RTEL1: variants seen among roughly 807,000 people sequenced by gnomAD.
RTEL1 encodes regulator of telomere length.
RTEL1 carries 86 observed loss-of-function variants against 162.2 expected under a neutral mutation model. The ratio of observed to expected loss-of-function variants is 0.53; its 90% CI spans 0.45 to 0.63. The LOEUF is 0.63. Among genes scored for constraint, RTEL1 ranks in the 30% least tolerant of loss-of-function variants. The pLI, the probability that RTEL1 is intolerant of heterozygous loss-of-function variation, is 0.00. For missense variants in RTEL1, 1,941 were observed against 1,750.2 expected, an observed-to-expected ratio of 1.11 and a Z score of -1.95; for synonymous variants, 958 against 717.9, an observed-to-expected ratio of 1.33 and a Z score of -5.35.
At chr20:63,681,662 A>G in intron 14 of RTEL1, 2 of 985,250 alleles carry the variant, frequency 2.0e-6, no homozygotes, top group Non-Finnish European at 2.4e-6. Flanking sequence ...CTTCTCCTTC[A>G]CAGACGCAGC....
chr20:63,662,482 G>A lies in RTEL1; in HGVS notation c.396-64G>A, dbSNP rs1001359412. On this transcript the variant is annotated intron_variant, in intron 4 of 34. Coordinates refer to ENST00000360203, the MANE Select transcript of RTEL1 (RefSeq NM_001283009.2). ...TGCGTGTCTCCATACAGCTCACGCT[G>A]CAGGGCCACGCTGTGGGTGTTGGAG... 1.9e-6 allele frequency: 3 copies of A among 1,601,316 alleles called. No individual in the cohort carries two copies. The highest frequency in any genetic ancestry group is 2.6e-6 in the Non-Finnish European group (3 of 1,174,720).
chr20:63,675,625 C>T (rs921599146), intron 10 of RTEL1, among the ~76,000 whole-genome samples: 3 of 152,116 alleles, frequency 2.0e-5, no homozygotes, highest in African/African-American at 4.8e-5. Context: ...GGGATCTTCC[C>T]GTCTCAGCGT....
chr20:63,695,826 G>A lies in RTEL1; in HGVS notation c.3871G>A (p.Val1291Ile), dbSNP rs544271988. 16 of 1,599,294 alleles carry A rather than the reference G, an allele frequency of 1.0e-5. No homozygotes were observed. The highest frequency in any genetic ancestry group is 2.3e-5 in the South Asian group (2 of 88,834). The stretch of plus-strand genomic sequence containing the variant: ...CCACACCGCCTCCAGGAAGCAGAGC[G>A]TCATGCAGGTCTTCTGGCCAGAGCC... ...ACHTASRKQS[V>I]MQVFWPEPQ The change falls in exon 35 of 35, where the codon GTC (valine) becomes ATC (isoleucine). Residue 1291 changes from valine (V) to isoleucine (I), a missense_variant. Coordinates refer to ENST00000360203, the MANE Select transcript of RTEL1 (RefSeq NM_001283009.2).
intron 6 of RTEL1, among the ~76,000 whole-genome samples, chr20:63,665,636 G>A (rs1415966626): frequency 6.6e-6 from 1 of 151,754 alleles, no homozygotes; most frequent in African/African-American, 2.4e-5. Flanking sequence ...CTGTGGGTTG[G>A]GGCGATAGGC....
chr20:63,679,244 T>C (rs2146215283), intron 12 of RTEL1, among the ~76,000 whole-genome samples: 1 of 152,308 alleles, frequency 6.6e-6, no homozygotes, highest in East Asian at 1.9e-4. Context: ...GAGCGTGTTC[T>C]GCCTGAGCGC....
chr20:63,683,459 A>G (rs2090519032), intron 14 of RTEL1, among the ~76,000 whole-genome samples: 1 of 152,136 alleles, frequency 6.6e-6, no homozygotes, highest in Admixed American at 6.5e-5. Flanking sequence ...ACGGAAGGAA[A>G]TTTCTCTCTC....
chr20:63,666,347 G>T (rs1006978217), intron 7 of RTEL1, among the ~76,000 whole-genome samples: 1 of 152,250 alleles, frequency 6.6e-6, no homozygotes, highest in Non-Finnish European at 1.5e-5. Flanking sequence ...GGAAGCACGC[G>T]CAGTTTTGTC....
At chr20:63,663,589 T>C (rs2090064095) in intron 6 of RTEL1, among the ~76,000 whole-genome samples, 1 of 151,804 alleles carries the variant, frequency 6.6e-6, no homozygotes, top group Non-Finnish European at 1.5e-5. Flanking sequence ...CATCACGGGG[T>C]CCTAGAGACA....
rs781749466 is a variant in RTEL1, at chr20:63,685,811, T to C, written c.1287T>C (p.Ala429=). Residue 429 remains alanine, a synonymous_variant, in exon 16 of 35, where the codon GCT becomes GCC. Transcript: ENST00000360203. ...TCCAGGTGCACATCCATCCTGATGC[T>C]GGTCACCGGAGGACGGCTCAGCGGT... The part of the protein sequence containing the change: ...QSYKVHIHPD[A]GHRRTAQRSD... 1.9e-6 allele frequency: 3 copies of C among 1,612,566 alleles called. No homozygotes were observed. The highest frequency in any genetic ancestry group is 2.5e-6 in the Non-Finnish European group (3 of 1,179,892).
rs980883376 is a variant in RTEL1, at chr20:63,689,275, G to A, written c.1878+143G>A. 5 of 919,172 alleles carry A rather than the reference G, an allele frequency of 5.4e-6. No homozygotes were observed. The South Asian group carries it at 6.4e-5, about 12-fold the overall frequency. The allele number at this position is 919,172 out of a possible 1,614,324, so 56.9% of individuals were successfully genotyped here. A position where few individuals can be genotyped will look rare whatever the true frequency, so the allele number is the denominator to read the frequency against. On this transcript the variant is annotated intron_variant, in intron 22 of 34. Transcript: ENST00000360203. ...AGAGCGACTGCTGGCCCTGCTGGGA[G>A]CGTGTCCTGCTCTGGGCCTGGGCAG...
Position 63,688,510 on chromosome 20 carries a change from T to C in RTEL1, c.1723-18T>C. On this transcript the variant is annotated intron_variant, in intron 20 of 34. Coordinates refer to ENST00000360203, the MANE Select transcript of RTEL1 (RefSeq NM_001283009.2). ...GGCGTGACCAGGGCTGCCGTGTCCC[T>C]GCCTCTTCCTCCCACAGGCCCGCGA... 6.2e-7 allele frequency: 1 copy of C among 1,609,264 alleles called. No homozygotes were observed. The highest frequency in any genetic ancestry group is 8.5e-7 in the Non-Finnish European group (1 of 1,179,010).
Position 63,695,741 on chromosome 20 carries a change from C to T in RTEL1, c.3823-37C>T, listed in dbSNP as rs752405335. The T allele has an allele frequency of 5.0e-6, 8 of 1,594,132 alleles. No homozygotes were observed. The Admixed American group carries it at 1.0e-4, about 21-fold the overall frequency. ...GCAGGCCCTTGTCCTGGTGGCAACG[C>T]CTGGCAGACGTGTGCAGTGGGCCGG... On this transcript the variant is annotated intron_variant, in intron 34 of 34. Transcript: ENST00000360203.
At chr20:63,658,025 C>T (rs1569076473), upstream of RTEL1, 1 of 152,320 alleles carries the variant, frequency 6.6e-6, no homozygotes, top group African/African-American at 2.4e-5. Flanking sequence ...AAAGATGCCT[C>T]TGGGGAGGAG....
chr20:63,678,817 C>T (rs1202275110), intron 12 of RTEL1, among the ~76,000 whole-genome samples: 2 of 142,366 alleles, frequency 1.4e-5, no homozygotes, highest in African/African-American at 5.4e-5. Flanking sequence ...TCCCACGGAA[C>T]AGCACACACA....
At chr20:63,681,791 G>T in intron 14 of RTEL1, 1 of 985,376 alleles carries the variant, frequency 1.0e-6, no homozygotes, top group Non-Finnish European at 1.2e-6. Flanking sequence ...CACAGCCTGT[G>T]TCTTCTCTGT....
In RTEL1 at chr20:63,661,482, C is replaced by G; in HGVS notation, c.287C>G (p.Ala96Gly). The G allele has an allele frequency of 6.2e-7, 1 of 1,611,050 alleles. No homozygotes were observed. Among genetic ancestry groups the G allele is most frequent in the Admixed American group, 1.7e-5 (1 of 59,990 alleles). The change falls in exon 3 of 35, where the codon GCT becomes GGT. Residue 96 changes from alanine to glycine, a missense_variant. Ala to Gly is a moderately conservative substitution (Grantham distance 60, BLOSUM62 0). Coordinates refer to ENST00000360203, the MANE Select transcript of RTEL1 (RefSeq NM_001283009.2). The surrounding 1 kb of genome is among the most constrained non-coding windows in gnomAD (Gnocchi z 5.1). ...LSSWGNAAAA[A>G]GDPIACYTDI... The stretch of plus-strand genomic sequence containing the variant: ...TCCTGGGGCAACGCTGCTGCTGCTG[C>G]TGGAGACCCCATAGGTGACCCTAGT...
Position 63,688,697 on chromosome 20 carries a change from A to G in RTEL1, c.1800+92A>G, listed in dbSNP as rs537152454. ...CCAAGGCTGACCACTGGCCCTGACC[A>G]TGGGCTCCGGCGGCTCCCGCTGCCT... On this transcript the variant is annotated intron_variant, in intron 21 of 34. Transcript: ENST00000360203. The G allele has an allele frequency of 4.8e-5, 59 of 1,237,336 alleles. 1 individual carries two copies. In the African/African-American group the frequency reaches 8.1e-4, roughly 17 times the overall value. 76.6% of individuals were successfully genotyped at this position (1,237,336 alleles called of 1,614,324 possible).
In RTEL1 at chr20:63,678,300, G is replaced by A. The variant is rs761560985; in HGVS notation, c.991G>A (p.Ala331Thr). 4 of 1,612,970 alleles carry A rather than the reference G, an allele frequency of 2.5e-6. No individual in the cohort carries two copies. Among genetic ancestry groups the A allele is most frequent in the Admixed American group, 3.3e-5 (2 of 59,954 alleles). ...GCTGCGCCTGGAGGGGGCCATCGAT[G>A]CTGTTGAGCTGCCTGGAGACGACAG... ...ILLRLEGAID[A>T]VELPGDDSGV... Residue 331 changes from alanine (A) to threonine (T), a missense_variant, in exon 12 of 35, where the codon GCT (alanine) becomes ACT (threonine). Transcript: ENST00000360203.
chr20:63,696,137 A>G lies in RTEL1; in HGVS notation c.*279A>G. ...GCTCCTGGCCTGTGAGTGGTGCCAC[A>G]GGGGCACCCCAGCTGAGCCCCTCAC... On this transcript the variant is annotated 3_prime_UTR_variant, in exon 35 of 35. Transcript: ENST00000360203. 1.9e-6 allele frequency: 1 copy of G among 514,078 alleles called. No homozygotes were observed. Among genetic ancestry groups the G allele is most frequent in the Non-Finnish European group, 3.5e-6 (1 of 288,798 alleles). 31.8% of individuals were successfully genotyped at this position (514,078 alleles called of 1,614,324 possible). A position where few individuals can be genotyped will look rare whatever the true frequency, so the allele number is the denominator to read the frequency against.
Sources: allele counts gnomAD v4.1 joint callset (sites outside exome capture counted in the v4.1 genomes callset), GRCh38; gene constraint gnomAD v4.1.1; non-coding constraint Gnocchi (gnomAD v3.1); transcripts MANE v1.5; gene names NCBI Gene and HGNC (gene_info 2026-07-23, HGNC 2026-07-21).